HPSE2: variants seen among roughly 807,000 people sequenced by gnomAD.
HPSE2 encodes inactive heparanase-2.
HPSE2 carries 38 observed loss-of-function variants against 60.5 expected under a neutral mutation model. That is an observed-to-expected ratio of 0.63 (90% CI 0.48 to 0.82). HPSE2 has a LOEUF of 0.82. HPSE2 is among the 40% of genes least tolerant of loss of function. HPSE2 has a pLI of 0.00. For missense variants in HPSE2, 713 were observed against 740.4 expected (o/e 0.96, Z 0.43); for synonymous variants, 295 against 293.2 (o/e 1.01, Z -0.06).
At chr10:98,999,296 A>G (rs1956724409) in intron 3 of HPSE2, among the ~76,000 whole-genome samples, 1 of 152,104 alleles carries the variant, frequency 6.6e-6, no homozygotes, top group South Asian at 2.1e-4. Flanking sequence ...AAACAATGCT[A>G]TTGCAATTTG....
chr10:99,086,346 C>CT (rs66562418), intron 3 of HPSE2, among the ~76,000 whole-genome samples: 11,326 of 82,910 alleles, frequency 0.14, 1,076 homozygotes, highest in Admixed American at 0.18. Flanking sequence ...AAAGTACTTT[C>CT]TTTTTTTTTT....
intron 9 of HPSE2, among the ~76,000 whole-genome samples, chr10:98,554,775 G>A (rs117204368): frequency 8.5e-5 from 13 of 152,294 alleles, no homozygotes; most frequent in East Asian, 7.7e-4. Context: ...AGAGGTTTGC[G>A]TGTTAGTCTT....
At chr10:99,013,526 T>C in intron 3 of HPSE2, 1 of 302,610 alleles carries the variant, frequency 3.3e-6, no homozygotes, top group South Asian at 3.3e-5. Flanking sequence ...GGCTGGAGTG[T>C]ACTGGCACGA....
intron 5 of HPSE2, among the ~76,000 whole-genome samples, chr10:98,713,926 T>C (rs955001175): frequency 3.9e-5 from 6 of 151,968 alleles, no homozygotes; most frequent in African/African-American, 1.4e-4. Context: ...TATGTAAGGA[T>C]ATCACCCCTC....
intron 2 of HPSE2, among the ~76,000 whole-genome samples, chr10:99,162,806 T>C (rs1467305846): frequency 2.6e-5 from 4 of 152,312 alleles, no homozygotes; most frequent in Middle Eastern, 3.4e-3. Context: ...TTCTTTTCTA[T>C]TCCAATTAAT....
intron 3 of HPSE2, among the ~76,000 whole-genome samples, chr10:98,789,665 C>T (rs570233597): frequency 7.2e-5 from 11 of 152,184 alleles, no homozygotes; most frequent in Admixed American, 2.6e-4. Context: ...TAAGGCAGAT[C>T]CTAAAGGAGA....
chr10:98,503,886 C>T (rs1942108793), intron 9 of HPSE2, among the ~76,000 whole-genome samples: 1 of 152,084 alleles, frequency 6.6e-6, no homozygotes, highest in Admixed American at 6.6e-5. Flanking sequence ...GCAAGCGATA[C>T]AAGACTACAA....
chr10:98,730,865 T>C (rs925005940), intron 4 of HPSE2, among the ~76,000 whole-genome samples: 2 of 152,202 alleles, frequency 1.3e-5, no homozygotes, highest in African/African-American at 4.8e-5. Context: ...GATTAGTTGG[T>C]GAATTCTATT....
chr10:98,461,699 C>T, intron 11 of HPSE2: 1 of 1,224,868 alleles, frequency 8.2e-7, no homozygotes, highest in Admixed American at 2.1e-5. Flanking sequence ...TATCAGGTCT[C>T]TGCTAGAAAA....
At chr10:98,770,574 G>A (rs1281897437) in intron 3 of HPSE2, among the ~76,000 whole-genome samples, 1 of 152,064 alleles carries the variant, frequency 6.6e-6, no homozygotes, top group African/African-American at 2.4e-5. Context: ...GATAATTTTG[G>A]CTTGAGGACT....
At chr10:99,257,095 T>C in the HPSE2 span, among the ~76,000 whole-genome samples, 4 of 152,384 alleles carry the variant, frequency 2.6e-5, no homozygotes, top group East Asian at 7.7e-4. Context: ...TGTGATTTCC[T>C]ACGCCTGTCT....
chr10:99,185,512 T>C (rs1459136271), intron 2 of HPSE2, among the ~76,000 whole-genome samples: 3 of 151,998 alleles, frequency 2.0e-5, no homozygotes, highest in Non-Finnish European at 4.4e-5. Context: ...CAGTGGCTCA[T>C]GCCTGTAATT....
At chr10:98,846,765 T>C (rs1449409126) in intron 3 of HPSE2, among the ~76,000 whole-genome samples, 1 of 152,090 alleles carries the variant, frequency 6.6e-6, no homozygotes, top group Non-Finnish European at 1.5e-5. Flanking sequence ...AGATACAGGG[T>C]CTTAATATGT....
the HPSE2 span, among the ~76,000 whole-genome samples, chr10:99,300,509 ACC>A: frequency 3.9e-5 from 6 of 152,210 alleles, no homozygotes; most frequent in East Asian, 1.2e-3. Context: ...AGATTCACTC[ACC>A]CCCTTGGTTG....
chr10:99,232,258 AACAC>A (rs1849678632), intron 2 of HPSE2, 86 bp downstream of exon 2: 6 of 1,211,388 alleles, frequency 5.0e-6, no homozygotes, highest in Non-Finnish European at 5.7e-6. Flanking sequence ...CACACACACG[AACAC>A]ACAGACACAC....
intron 3 of HPSE2, among the ~76,000 whole-genome samples, chr10:99,072,853 T>C (rs1257933843): frequency 6.5e-5 from 9 of 138,858 alleles, no homozygotes; most frequent in Non-Finnish European, 9.1e-5. Flanking sequence ...TGCTTGAACC[T>C]GGGAGGTGGA....
At chr10:99,099,164 C>A (rs974282275) in intron 3 of HPSE2, among the ~76,000 whole-genome samples, 2 of 152,124 alleles carry the variant, frequency 1.3e-5, no homozygotes, top group Non-Finnish European at 2.9e-5. Context: ...TGGGTGCAGC[C>A]CACCGAGTGT....
At position 98,875,109 on chromosome 10, in the gene HPSE2, A is replaced by G. The variant is rs1305239701; in HGVS notation, c.611-131053T>C. Reference sequence around the variant, plus strand: ...CTCAAATTGACACCCTAACATCACAATAAAAGAGCTAGAGAAGCAAGAGCA... The same window carrying G: ...CTCAAATTGACACCCTAACATCACAGTAAAAGAGCTAGAGAAGCAAGAGCA... On this transcript the variant is annotated intron_variant, in intron 3 of 11. Transcript: ENST00000370552. 2.0e-5 allele frequency among the ~76,000 whole-genome samples: 3 copies of G among 152,078 alleles called. No homozygotes were observed. In the East Asian group the frequency reaches 5.8e-4, roughly 29 times the overall value.
chr10:99,216,574 T>C (rs1271586405), intron 2 of HPSE2, among the ~76,000 whole-genome samples: 1 of 152,244 alleles, frequency 6.6e-6, no homozygotes, highest in Non-Finnish European at 1.5e-5. Context: ...TGTGGAATCC[T>C]CCTCAACTAT....
Sources: allele counts gnomAD v4.1 joint callset (sites outside exome capture counted in the v4.1 genomes callset), GRCh38; gene constraint gnomAD v4.1.1; transcripts MANE v1.5; gene names NCBI Gene and HGNC (gene_info 2026-07-23, HGNC 2026-07-21).